The following DOCK2 variants were observed in gnomAD, a reference collection of about 807,000 sequenced individuals.
The protein encoded by DOCK2 is dedicator of cytokinesis 2.
Under a neutral mutation model 248.9 loss-of-function variants are expected in DOCK2, and 87 were observed. That is an observed-to-expected ratio of 0.35 (90% CI 0.29 to 0.42). The LOEUF (loss-of-function observed/expected upper bound fraction) is 0.42, where lower values mean the gene tolerates loss of function less well. DOCK2 is among the 10% of genes least tolerant of loss of function. The pLI is 1.00. For missense variants in DOCK2, 1,747 were observed against 2,300.2 expected (o/e 0.76, Z 4.92); for synonymous variants, 805 against 821.6 (o/e 0.98, Z 0.35).
chr5:170,033,814 C>T (rs1756228246), intron 34 of DOCK2, among the ~76,000 whole-genome samples: 1 of 152,210 alleles, frequency 6.6e-6, no homozygotes, highest in Admixed American at 6.5e-5. Context: ...ACTTTTCTCA[C>T]CTAGCTCTAT....
intron 25 of DOCK2, among the ~76,000 whole-genome samples, chr5:169,767,254 T>C (rs1023156133): frequency 1.3e-5 from 2 of 152,202 alleles, no homozygotes; most frequent in Non-Finnish European, 1.5e-5. Flanking sequence ...TTTTGCTTGT[T>C]AATTTGTTTA....
chr5:169,723,485 A>C (rs1376217966), intron 22 of DOCK2, among the ~76,000 whole-genome samples: 10 of 152,158 alleles, frequency 6.6e-5, no homozygotes, highest in Non-Finnish European at 5.9e-5. Flanking sequence ...CTGGTCACAT[A>C]GCCAGTATAC....
At chr5:169,817,678 G>A (rs1768152603) in intron 26 of DOCK2, among the ~76,000 whole-genome samples, 1 of 152,146 alleles carries the variant, frequency 6.6e-6, no homozygotes, top group Admixed American at 6.5e-5. Flanking sequence ...GTCCACCCCT[G>A]TCTCTTGGAA....
At chr5:169,862,426 G>T (rs1771262230) in intron 27 of DOCK2, among the ~76,000 whole-genome samples, 1 of 152,134 alleles carries the variant, frequency 6.6e-6, no homozygotes, top group Non-Finnish European at 1.5e-5. Context: ...GGTCCCAAAT[G>T]ATTTCACTTT....
At chr5:170,020,226 C>T (rs559522230) in intron 33 of DOCK2, among the ~76,000 whole-genome samples, 4 of 152,234 alleles carry the variant, frequency 2.6e-5, no homozygotes, top group African/African-American at 4.8e-5. Flanking sequence ...GGGTGTCCTT[C>T]GGGCATTTTT....
rs367988333 is a variant in DOCK2 at position 170,042,154 on chromosome 5, C to T, written c.3876+22C>T. 52 of 1,590,584 alleles carry T rather than the reference C, an allele frequency of 3.3e-5. No homozygotes were observed. The African/African-American group carries it at 5.5e-4, about 17-fold the overall frequency. ...AAAGGTAATCTGTCCCTGCCCACCC[C>T]CCGTGGGGACCCTGGCCACTGGAAG... On this transcript the variant is annotated intron_variant, in intron 38 of 51. Coordinates refer to ENST00000520908, the MANE Select transcript of DOCK2 (RefSeq NM_004946.3).
At chr5:169,724,378 T>A (rs1762359590) in intron 22 of DOCK2, among the ~76,000 whole-genome samples, 1 of 152,100 alleles carries the variant, frequency 6.6e-6, no homozygotes, top group Non-Finnish European at 1.5e-5. Context: ...TTTGTCTTCA[T>A]CCCCAGGGAA....
intron 26 of DOCK2, among the ~76,000 whole-genome samples, chr5:169,825,251 C>A (rs1256229291): frequency 6.6e-6 from 1 of 152,072 alleles, no homozygotes; most frequent in East Asian, 1.9e-4. Context: ...ACCATTTGAC[C>A]CAGCCATCCC....
chr5:169,729,922 T>TC lies in DOCK2; in HGVS notation c.2267+11131_2267+11132insC, dbSNP rs1360345666. The stretch of plus-strand genomic sequence containing the variant: ...CTAAAGTGGGGATTACCTCAGAATG[T>TC]TATTGTGAGGGTTCTGAAAATGTGA... On this transcript the variant is annotated intron_variant, in intron 22 of 51. Coordinates refer to ENST00000520908, the MANE Select transcript of DOCK2 (RefSeq NM_004946.3). Among the ~76,000 whole-genome samples, 4 of 152,224 alleles carry TC rather than the reference T, an allele frequency of 2.6e-5. No individual in the cohort carries two copies. In the East Asian group the frequency reaches 7.7e-4, roughly 29 times the overall value.
chr5:169,764,743 A>G lies in DOCK2; in HGVS notation c.2554+3118A>G, dbSNP rs1199527197. Among the ~76,000 whole-genome samples the G allele has an allele frequency of 6.6e-6, 1 of 152,170 alleles. No homozygotes were observed. Among genetic ancestry groups the G allele is most frequent in the Non-Finnish European group, 1.5e-5 (1 of 68,036 alleles). ...CCTTAACGTTTGATAGTTGCACACA[A>G]CCCTCAACTACATGGTTTTCCTCAG... is the stretch of plus-strand genomic sequence containing the variant. On this transcript the variant is annotated intron_variant, in intron 25 of 51. Coordinates refer to ENST00000520908, the MANE Select transcript of DOCK2 (RefSeq NM_004946.3). This position sits in a 1 kb window ranked among gnomAD's most constrained non-coding sequence, Gnocchi z 4.3.
At chr5:169,699,344 C>T (rs768224137) in intron 11 of DOCK2, 38 bp from the exon 12 acceptor site, 30 of 1,598,478 alleles carry the variant, frequency 1.9e-5, no homozygotes, top group South Asian at 2.2e-5. Context: ...GCAAGGAGGA[C>T]ACGATGTGGA....
intron 44 of DOCK2, among the ~76,000 whole-genome samples, chr5:170,062,241 A>G (rs1052478012): frequency 2.6e-5 from 4 of 151,996 alleles, no homozygotes; most frequent in Admixed American, 1.3e-4. Context: ...GGGAGTAAGG[A>G]GGCTATAATT....
chr5:169,869,761 C>T (rs930966784), intron 27 of DOCK2, among the ~76,000 whole-genome samples: 1 of 152,208 alleles, frequency 6.6e-6, no homozygotes, highest in Non-Finnish European at 1.5e-5. Context: ...GGGAGAGACT[C>T]TCTGCTTTGG....
At chr5:169,959,767 C>T (rs11134599) in intron 27 of DOCK2, among the ~76,000 whole-genome samples, 48,790 of 151,944 alleles carry the variant, frequency 0.32, 9,138 homozygotes, top group African/African-American at 0.52. Context: ...TTAGAGTCAT[C>T]GTAGATCTAG....
intron 19 of DOCK2, among the ~76,000 whole-genome samples, chr5:169,715,767 C>T (rs924215636): frequency 2.6e-5 from 4 of 151,984 alleles, no homozygotes; most frequent in Non-Finnish European, 5.9e-5. Flanking sequence ...TAGTAGATTC[C>T]CTCATACCCC....
intron 5 of DOCK2, among the ~76,000 whole-genome samples, chr5:169,673,470 A>G (rs1759151154): frequency 6.6e-6 from 1 of 152,008 alleles, no homozygotes; most frequent in South Asian, 2.1e-4. Context: ...ACTTGACACA[A>G]TTAGAAGAAC....
rs1275515082 is a variant in DOCK2, at chr5:170,041,070, C to A, written c.3681C>A (p.Leu1227=). The part of the protein sequence containing the change: ...EEMYIRYLYK[L]RDLHLDCDNY... ...CCTCAAACAGGTACCTGTACAAACT[C>A]CGCGATCTTCACCTGGACTGTGACA... The change falls in exon 37 of 52, where the codon CTC becomes CTA. Residue 1227 remains leucine, a synonymous_variant. Coordinates refer to ENST00000520908, the MANE Select transcript of DOCK2 (RefSeq NM_004946.3). The A allele has an allele frequency of 1.2e-6, 2 of 1,614,056 alleles. No homozygotes were observed. Among genetic ancestry groups the A allele is most frequent in the East Asian group, 4.5e-5 (2 of 44,862 alleles).
At chr5:169,702,150 T>A (rs1020899947) in intron 13 of DOCK2, 153 bp from the exon 14 acceptor site, 5 of 886,454 alleles carry the variant, frequency 5.6e-6, no homozygotes, top group East Asian at 3.0e-5. Flanking sequence ...GCCTCCCTGA[T>A]GAGGGAAAAA....
At chr5:170,044,119 T>A (rs1756612896) in intron 38 of DOCK2, among the ~76,000 whole-genome samples, 1 of 152,146 alleles carries the variant, frequency 6.6e-6, no homozygotes, top group Non-Finnish European at 1.5e-5. Flanking sequence ...TCCCTATACC[T>A]CCTCAGGGAG....
Sources: allele counts gnomAD v4.1 joint callset (sites outside exome capture counted in the v4.1 genomes callset), GRCh38; gene constraint gnomAD v4.1.1; non-coding constraint Gnocchi (gnomAD v3.1); transcripts MANE v1.5; gene names NCBI Gene and HGNC (gene_info 2026-07-23, HGNC 2026-07-21).